MYO1H: variants seen among roughly 807,000 people sequenced by gnomAD.
MYO1H encodes the protein myosin IH.
Under a neutral mutation model 149.3 loss-of-function variants are expected in MYO1H, and 118 were observed. The ratio of observed to expected loss-of-function variants is 0.79; its 90% confidence interval spans 0.68 to 0.92. The LOEUF is 0.92. Among genes scored for constraint, MYO1H ranks in the 40% least tolerant of loss-of-function variants. The pLI is 0.00. For missense variants in MYO1H, 1,212 were observed against 1,280.7 expected (o/e 0.95, Z 0.82); for synonymous variants, 447 against 465.2 (o/e 0.96, Z 0.50).
chr12:109,360,060 AG>A (rs1868709486), intron 1 of MYO1H, among the ~76,000 whole-genome samples: 1 of 151,878 alleles, frequency 6.6e-6, no homozygotes, highest in South Asian at 2.1e-4. Context: ...AAGAGGTCCC[AG>A]GAATGGGTAG....
chr12:109,442,431 G>A (rs1872179094), intron 27 of MYO1H, among the ~76,000 whole-genome samples, 159 bp downstream of exon 27: 1 of 152,140 alleles, frequency 6.6e-6, no homozygotes, highest in African/African-American at 2.4e-5. Flanking sequence ...CTAAGATGAT[G>A]GGGAACAAAT....
chr12:109,394,675 C>CT (rs1412387329), intron 3 of MYO1H, among the ~76,000 whole-genome samples: 1 of 151,582 alleles, frequency 6.6e-6, no homozygotes, highest in Non-Finnish European at 1.5e-5. Flanking sequence ...TCCCTCTTGA[C>CT]TTCTAGGCTA....
chr12:109,445,711 G>A, intron 31 of MYO1H, 99 bp downstream of exon 31: 1 of 1,450,484 alleles, frequency 6.9e-7, no homozygotes, highest in Non-Finnish European at 9.0e-7. Context: ...GGAATCATAA[G>A]CTATTAATAG....
chr12:109,420,927 T>G, intron 15 of MYO1H, 54 bp from the exon 16 acceptor site: 1 of 922,330 alleles, frequency 1.1e-6, no homozygotes, highest in Non-Finnish European at 1.8e-6. Flanking sequence ...GGGATGGAAT[T>G]GTATTTTTAG....
intron 1 of MYO1H, among the ~76,000 whole-genome samples, chr12:109,379,973 C>T (rs932872973): frequency 2.0e-5 from 3 of 152,040 alleles, no homozygotes; most frequent in Admixed American, 6.6e-5. Context: ...CCTCGTGATC[C>T]GCCCACCTCA....
intron 18 of MYO1H, 70 bp downstream of exon 18, chr12:109,426,121 G>T: frequency 9.5e-7 from 1 of 1,053,702 alleles, no homozygotes. Flanking sequence ...GTGGCAGTGG[G>T]TTGGGATCCT....
At chr12:109,384,658 G>A (rs1208585444) in intron 1 of MYO1H, among the ~76,000 whole-genome samples, 1 of 152,146 alleles carries the variant, frequency 6.6e-6, no homozygotes, top group Admixed American at 6.5e-5. Flanking sequence ...TGAAGTGAAT[G>A]GAGTCTGCTT....
chr12:109,433,006 G>A (rs1469949846), exon 20 of MYO1H: 7 of 1,613,518 alleles, frequency 4.3e-6, no homozygotes, highest in Non-Finnish European at 5.1e-6. Flanking sequence ...ATACAAGTTA[G>A]GCAAGTAAGT....
At chr12:109,414,806 C>T (rs1870834307) in intron 14 of MYO1H, among the ~76,000 whole-genome samples, 1 of 152,112 alleles carries the variant, frequency 6.6e-6, no homozygotes, top group African/African-American at 2.4e-5. Flanking sequence ...TTCCTGGGCT[C>T]AAGCAATCCT....
At chr12:109,375,994 G>A (rs1002934785) in intron 1 of MYO1H, among the ~76,000 whole-genome samples, 4 of 151,968 alleles carry the variant, frequency 2.6e-5, no homozygotes, top group Non-Finnish European at 5.9e-5. Flanking sequence ...GTCAATCAAT[G>A]GAAAGAAAGA....
chr12:109,321,893 TA>T, the MYO1H span, among the ~76,000 whole-genome samples: 6 of 152,150 alleles, frequency 3.9e-5, no homozygotes, highest in Non-Finnish European at 7.3e-5. Context: ...GAACACGATG[TA>T]ATTACGCATG....
At chr12:109,439,484 A>G in intron 23 of MYO1H, 147 bp from the exon 24 acceptor site, 3 of 279,828 alleles carry the variant, frequency 1.1e-5, no homozygotes, top group Non-Finnish European at 1.3e-5. Context: ...TCGAACATAT[A>G]TGTGGGGCAG....
At chr12:109,327,577 C>T in the MYO1H span, among the ~76,000 whole-genome samples, 1 of 151,554 alleles carries the variant, frequency 6.6e-6, no homozygotes, top group African/African-American at 2.4e-5. Context: ...AAAACCCTGT[C>T]TCTACTAAAA....
chr12:109,405,543 C>T (rs7976348), intron 7 of MYO1H, among the ~76,000 whole-genome samples: 5,982 of 152,258 alleles, frequency 0.039, 366 homozygotes, highest in African/African-American at 0.14. Flanking sequence ...CTCTTGACTT[C>T]GGGTGATCTG....
At chr12:109,447,695 G>T (rs1046892643) in exon 32 of MYO1H, 2 of 175,014 alleles carry the variant, frequency 1.1e-5, no homozygotes, top group African/African-American at 4.7e-5. Context: ...CAAGGTGTGT[G>T]TGTCAGGTGC....
At position 109,443,350 on chromosome 12, in the gene MYO1H, GTA is replaced by G. The variant is rs1381881734; in HGVS notation, c.2689-159_2689-158del. On this transcript the variant is annotated intron_variant, in intron 27 of 31. Transcript: ENST00000310903. ...TATGTATGTGTACGTATATATGTGT[GTA>G]TATACACACACACACACACACACAC... 3.1e-3 allele frequency among the ~76,000 whole-genome samples: 332 copies of G among 107,224 alleles called. 69 individuals carry two copies. Among genetic ancestry groups the G allele is most frequent in the African/African-American group, 0.01 (236 of 23,224 alleles). 70.3% of individuals were successfully genotyped at this position (107,224 alleles called of 152,430 possible). A position where few individuals can be genotyped will look rare whatever the true frequency, so the allele number is the denominator to read the frequency against.
intron 3 of MYO1H, 34 bp downstream of exon 3, chr12:109,393,480 A>G: frequency 1.4e-6 from 2 of 1,424,936 alleles, no homozygotes; most frequent in Non-Finnish European, 1.9e-6. Flanking sequence ...CACTAGGAGG[A>G]TTTTTCTTTT....
At position 109,435,121 on chromosome 12, in the gene MYO1H, T is replaced by C. The variant is rs774050042; in HGVS notation, c.2140+8T>C. On this transcript the variant is annotated splice_region_variant and intron_variant, in intron 21 of 31. Coordinates refer to ENST00000310903, the Ensembl canonical transcript of MYO1H. Reference sequence around the variant, plus strand: ...TTAGTAAACATCAACTAGGTATGATTTCTTTTTCTGTCCCGATTTCAATAG... The same window carrying C: ...TTAGTAAACATCAACTAGGTATGATCTCTTTTTCTGTCCCGATTTCAATAG... 1 of 1,572,182 alleles carries C rather than the reference T, an allele frequency of 6.4e-7. No individual in the cohort carries two copies. The highest frequency in any genetic ancestry group is 1.1e-5 in the South Asian group (1 of 87,294).
Position 109,425,922 on chromosome 12 carries a change from CTCTCTT to C in MYO1H, c.1726-18_1726-13del. On this transcript the variant is annotated intron_variant, in intron 17 of 31. Coordinates refer to ENST00000310903, the Ensembl canonical transcript of MYO1H. ...GCAGTATCTCTCTGGCTCGTTCTCT[CTCTCTT>C]TCTCTCTCTCTCTGCAGGTGGGGAC... 1.9e-6 allele frequency: 3 copies of C among 1,554,174 alleles called. No homozygotes were observed. Among genetic ancestry groups the C allele is most frequent in the Non-Finnish European group, 2.7e-6 (3 of 1,126,944 alleles).
Sources: allele counts gnomAD v4.1 joint callset (sites outside exome capture counted in the v4.1 genomes callset), GRCh38; gene constraint gnomAD v4.1.1; transcripts MANE v1.5; gene names NCBI Gene and HGNC (gene_info 2026-07-23, HGNC 2026-07-21).